Variants in SETBP1 observed in about 807,000 individuals in gnomAD.
The protein encoded by SETBP1 is SET binding protein 1.
A neutral mutation model predicts 101.0 loss-of-function variants in SETBP1; 9 were observed. The observed-to-expected ratio is 0.09, with a 90% confidence interval of 0.05 to 0.16. The LOEUF is 0.16. Among genes scored for constraint, SETBP1 ranks in the 10% least tolerant of loss-of-function variants. SETBP1 has a pLI of 1.00. For missense variants in SETBP1, 1,858 were observed against 2,033.8 expected (o/e 0.91, Z 1.66); for synonymous variants, 818 against 788.5 (o/e 1.04, Z -0.63).
chr18:44,817,136 G>A (rs1211779149), intron 2 of SETBP1, among the ~76,000 whole-genome samples: 1 of 152,180 alleles, frequency 6.6e-6, no homozygotes, highest in African/African-American at 2.4e-5. Context: ...ATGACTTTAT[G>A]TAGTGATTAG....
At chr18:44,964,424 G>A (rs1007149655) in intron 4 of SETBP1, among the ~76,000 whole-genome samples, 2 of 152,042 alleles carry the variant, frequency 1.3e-5, no homozygotes, top group African/African-American at 2.4e-5. Context: ...TAGTACATGT[G>A]TCATAGTCCT....
intron 2 of SETBP1, among the ~76,000 whole-genome samples, chr18:44,742,745 A>C (rs1319545220): frequency 1.3e-5 from 2 of 152,088 alleles, no homozygotes; most frequent in Non-Finnish European, 1.5e-5. Context: ...TGTCTCCCTA[A>C]GTATGTCCCA....
intron 3 of SETBP1, among the ~76,000 whole-genome samples, chr18:44,907,992 T>C (rs1350428989): frequency 6.6e-6 from 1 of 152,206 alleles, no homozygotes; most frequent in Non-Finnish European, 1.5e-5. Context: ...TGATCCACTT[T>C]GAATTTATTT....
chr18:44,730,930 A>G (rs1231829879), intron 2 of SETBP1, among the ~76,000 whole-genome samples: 2 of 152,228 alleles, frequency 1.3e-5, no homozygotes, highest in Non-Finnish European at 2.9e-5. Flanking sequence ...TAGTAGTGAT[A>G]GTTCCTCCAT....
At chr18:45,042,300 C>A (rs970700753) in intron 5 of SETBP1, among the ~76,000 whole-genome samples, 12 of 152,054 alleles carry the variant, frequency 7.9e-5, no homozygotes, top group Non-Finnish European at 1.6e-4. Flanking sequence ...CAGGCACATG[C>A]CACCATGCCC....
At chr18:44,968,066 AAAG>A (rs1406395743) in intron 4 of SETBP1, among the ~76,000 whole-genome samples, 2 of 152,198 alleles carry the variant, frequency 1.3e-5, no homozygotes, top group African/African-American at 4.8e-5. Context: ...GCAGGATGGT[AAAG>A]AAGGACAGTT....
chr18:44,941,687 T>A (rs990379828), intron 3 of SETBP1, among the ~76,000 whole-genome samples: 5 of 152,166 alleles, frequency 3.3e-5, no homozygotes, highest in African/African-American at 1.2e-4. Context: ...TTTGGATAGT[T>A]TCTACTGCTT....
chr18:45,054,065 C>G (rs751348406), intron 5 of SETBP1, among the ~76,000 whole-genome samples: 5 of 152,134 alleles, frequency 3.3e-5, no homozygotes, highest in Admixed American at 6.6e-5. Context: ...GGGACTTGAT[C>G]CATATTACAA....
rs546128484 is a variant in SETBP1, at chr18:44,857,098, G to A, written c.487-12132G>A. On this transcript the variant is annotated intron_variant, in intron 2 of 5. Transcript: ENST00000649279. ...GCACAGCATTTGTGGTATAATTGAC[G>A]AATACTGGGTTCTTTATTAAAACTA... Among the ~76,000 whole-genome samples the A allele has an allele frequency of 5.3e-5, 8 of 152,306 alleles. No homozygotes were observed. In the South Asian group the frequency reaches 1.7e-3, roughly 32 times the overall value.
At position 44,701,602 on chromosome 18, in the gene SETBP1, T is replaced by C; in HGVS notation, c.256T>C (p.Leu86=). The C allele has an allele frequency of 6.2e-7, 1 of 1,613,940 alleles. No individual in the cohort carries two copies. The highest frequency in any genetic ancestry group is 1.1e-5 in the South Asian group (1 of 91,074). ...TGAGAAATGGGTGGCAGGAGATGGT[T>C]TGGAAGAGCAGGAATTTTCTATCAA... is the stretch of plus-strand genomic sequence containing the variant. ...DSEKWVAGDG[L]EEQEFSIKEA... Residue 86 remains leucine, a synonymous_variant, in exon 2 of 6, where the codon TTG becomes CTG. Coordinates refer to ENST00000649279, the MANE Select transcript of SETBP1 (RefSeq NM_015559.3).
At chr18:44,789,299 G>T (rs191272878) in intron 2 of SETBP1, among the ~76,000 whole-genome samples, 1 of 152,124 alleles carries the variant, frequency 6.6e-6, no homozygotes, top group African/African-American at 2.4e-5. Flanking sequence ...TTTTCCCTCT[G>T]TAAAATGAAA....
chr18:44,916,985 A>G (rs1297454585), intron 3 of SETBP1, among the ~76,000 whole-genome samples: 2 of 152,214 alleles, frequency 1.3e-5, no homozygotes, highest in African/African-American at 4.8e-5. Flanking sequence ...TCATCAGTGC[A>G]TGGCTGCTGT....
chr18:45,028,459 C>T (rs367689678), intron 4 of SETBP1, among the ~76,000 whole-genome samples: 3 of 151,936 alleles, frequency 2.0e-5, no homozygotes, highest in South Asian at 4.1e-4. Context: ...TGAATAGTGC[C>T]GCAATAAACA....
At chr18:44,880,068 G>T (rs1414236946) in intron 3 of SETBP1, among the ~76,000 whole-genome samples, 1 of 152,184 alleles carries the variant, frequency 6.6e-6, no homozygotes, top group Non-Finnish European at 1.5e-5. Flanking sequence ...TGCAGTGATT[G>T]GTTGCCCAGA....
At chr18:45,058,864 A>T (rs1225258671) in intron 5 of SETBP1, among the ~76,000 whole-genome samples, 2 of 152,206 alleles carry the variant, frequency 1.3e-5, no homozygotes, top group African/African-American at 4.8e-5. Context: ...CAGAGAACTC[A>T]TTCATGTTTC....
At chr18:45,017,694 C>G (rs1230855227) in intron 4 of SETBP1, among the ~76,000 whole-genome samples, 2 of 152,204 alleles carry the variant, frequency 1.3e-5, no homozygotes, top group Non-Finnish European at 2.9e-5. Flanking sequence ...TGATCTTTTT[C>G]CATTATGACC....
At chr18:44,775,005 G>C (rs926637437) in intron 2 of SETBP1, among the ~76,000 whole-genome samples, 1 of 151,726 alleles carries the variant, frequency 6.6e-6, no homozygotes, top group Non-Finnish European at 1.5e-5. Flanking sequence ...GGTAAATTTA[G>C]AATTTTTTTT....
chr18:45,005,944 C>CA (rs2072716318), intron 4 of SETBP1, among the ~76,000 whole-genome samples: 1 of 137,422 alleles, frequency 7.3e-6, no homozygotes, highest in Non-Finnish European at 1.5e-5. Flanking sequence ...CTGCACCCGG[C>CA]CTTTTTTTTT....
At chr18:45,042,090 A>G (rs1013135258) in intron 5 of SETBP1, among the ~76,000 whole-genome samples, 5 of 151,668 alleles carry the variant, frequency 3.3e-5, no homozygotes, top group African/African-American at 1.2e-4. Context: ...GTATGCTTTT[A>G]CAGCATTAAA....
Sources: allele counts gnomAD v4.1 joint callset (sites outside exome capture counted in the v4.1 genomes callset), GRCh38; gene constraint gnomAD v4.1.1; transcripts MANE v1.5; gene names NCBI Gene and HGNC (gene_info 2026-07-23, HGNC 2026-07-21).